Variants in DIS3L2 observed in about 807,000 individuals in gnomAD.
DIS3L2 encodes DIS3 like 3'-5' exoribonuclease 2, also known as DIS3-like exonuclease 2.
A neutral mutation model predicts 97.5 loss-of-function variants in DIS3L2; 34 were observed. That is an observed-to-expected ratio of 0.35 (90% CI 0.27 to 0.46). DIS3L2 has a LOEUF of 0.46. Ranked by LOEUF, DIS3L2 falls within the 20% of genes least tolerant of loss-of-function variation. DIS3L2 has a pLI of 1.00. For synonymous variants in DIS3L2, 435 were observed against 445.2 expected, an observed-to-expected ratio of 0.98 and a Z score of 0.29; for missense variants, 1,038 against 1,146.0, an observed-to-expected ratio of 0.91 and a Z score of 1.36.
intron 6 of DIS3L2, among the ~76,000 whole-genome samples, chr2:232,103,679 A>G (rs1697272391): frequency 6.6e-6 from 1 of 152,172 alleles, no homozygotes; most frequent in African/African-American, 2.4e-5. Flanking sequence ...CTTGGTAGGA[A>G]GAATTGGGGA....
chr2:232,015,780 A>G (rs760676495), intron 3 of DIS3L2, 109 bp downstream of exon 3: 223 of 1,311,312 alleles, frequency 1.7e-4, no homozygotes, highest in Non-Finnish European at 2.2e-4. Context: ...CGATGATGTA[A>G]CAGGTGCAGG....
At chr2:232,076,813 G>A (rs937963001) in intron 5 of DIS3L2, among the ~76,000 whole-genome samples, 2 of 151,796 alleles carry the variant, frequency 1.3e-5, no homozygotes, top group East Asian at 3.8e-4. Context: ...ATTTTCTCAC[G>A]TTTTCTAAAA....
intron 10 of DIS3L2, among the ~76,000 whole-genome samples, chr2:232,235,727 T>C (rs563064860): frequency 5.3e-5 from 8 of 152,374 alleles, no homozygotes; most frequent in Non-Finnish European, 8.8e-5. Flanking sequence ...CAATATATTA[T>C]AATGCTGACT....
At chr2:232,052,281 C>T (rs1316522655) in intron 5 of DIS3L2, among the ~76,000 whole-genome samples, 1 of 152,180 alleles carries the variant, frequency 6.6e-6, no homozygotes, top group Non-Finnish European at 1.5e-5. Context: ...GCCTCGGCTT[C>T]CCAAAATGTT....
intron 1 of DIS3L2, among the ~76,000 whole-genome samples, chr2:231,967,879 A>AT (rs918930718): frequency 2.0e-5 from 3 of 152,070 alleles, no homozygotes; most frequent in East Asian, 1.9e-4. Flanking sequence ...TTAAGACCAT[A>AT]TTTTTTTGAT....
At chr2:232,030,821 T>C (rs976083732) in intron 5 of DIS3L2, among the ~76,000 whole-genome samples, 1 of 152,196 alleles carries the variant, frequency 6.6e-6, no homozygotes, top group African/African-American at 2.4e-5. Flanking sequence ...TTTTATTTAT[T>C]TGAAGAATTT....
At chr2:232,195,045 A>G (rs946236625) in intron 9 of DIS3L2, among the ~76,000 whole-genome samples, 1 of 152,232 alleles carries the variant, frequency 6.6e-6, no homozygotes, top group Non-Finnish European at 1.5e-5. Flanking sequence ...AAAACAAAAA[A>G]CTATAGAACA....
intron 6 of DIS3L2, among the ~76,000 whole-genome samples, chr2:232,107,694 C>T (rs1163271630): frequency 1.3e-5 from 2 of 152,100 alleles, no homozygotes; most frequent in African/African-American, 2.4e-5. Flanking sequence ...CAGAGCGAGA[C>T]TCCATCTCAA....
downstream of DIS3L2, among the ~76,000 whole-genome samples, chr2:232,342,176 T>C (rs1361893954): frequency 6.6e-6 from 1 of 151,492 alleles, no homozygotes; most frequent in African/African-American, 2.4e-5. Flanking sequence ...CATACACATA[T>C]ATACACGTAT....
chr2:232,015,953 A>G (rs974334253), intron 3 of DIS3L2: 2 of 246,492 alleles, frequency 8.1e-6, no homozygotes, highest in Non-Finnish European at 1.6e-5. Context: ...GAGATGCTTT[A>G]TTGGAAGTGA....
At chr2:232,060,582 G>A (rs1695676419) in intron 5 of DIS3L2, among the ~76,000 whole-genome samples, 1 of 152,058 alleles carries the variant, frequency 6.6e-6, no homozygotes, top group African/African-American at 2.4e-5. Flanking sequence ...TTTGAAGTCT[G>A]GTAGAATGTG....
intron 5 of DIS3L2, among the ~76,000 whole-genome samples, chr2:232,083,133 A>T (rs1258547303): frequency 6.6e-6 from 1 of 151,390 alleles, no homozygotes; most frequent in Non-Finnish European, 1.5e-5. Context: ...TGTGGGAGCT[A>T]CAAGTCAAGA....
intron 8 of DIS3L2, among the ~76,000 whole-genome samples, chr2:232,148,500 AG>A (rs1325356288): frequency 6.6e-6 from 1 of 152,232 alleles, no homozygotes; most frequent in Non-Finnish European, 1.5e-5. Flanking sequence ...TATTTAAATA[AG>A]GAACTTGAGA....
At chr2:232,235,999 T>TA (rs1692922110) in intron 10 of DIS3L2, among the ~76,000 whole-genome samples, 1 of 152,196 alleles carries the variant, frequency 6.6e-6, no homozygotes. Flanking sequence ...ACAGATCTGT[T>TA]ATGTTACCCC....
In DIS3L2 at chr2:232,336,842, C is replaced by T; in HGVS notation, c.*212C>T. On this transcript the variant is annotated 3_prime_UTR_variant, in exon 21 of 21. Transcript: ENST00000325385. ...AAGGCTGAGGCCTGGTCAGCAGTGA[C>T]CCCAGCAGAGCAGGCCCCAGTCCTC... 17 of 1,395,588 alleles carry T rather than the reference C, an allele frequency of 1.2e-5. No homozygotes were observed. Among genetic ancestry groups the T allele is most frequent in the Non-Finnish European group, 1.6e-5 (17 of 1,077,958 alleles). The allele number at this position is 1,395,588 out of a possible 1,614,324, so 86.5% of individuals were successfully genotyped here. A position where few individuals can be genotyped will look rare whatever the true frequency, so the allele number is the denominator to read the frequency against.
At chr2:232,077,955 CTCTTTCTTTCTTTCTTTCTT>C (rs538146324) in intron 5 of DIS3L2, among the ~76,000 whole-genome samples, 1,226 of 108,794 alleles carry the variant, frequency 0.011, 18 homozygotes, top group African/African-American at 0.032. Flanking sequence ...TTCTTTCTTT[CTCTTTCTTTCTTTCTTTCTT>C]TCTTTCTTTC....
chr2:232,079,360 G>T (rs1381333930), intron 5 of DIS3L2, among the ~76,000 whole-genome samples: 1 of 152,088 alleles, frequency 6.6e-6, no homozygotes, highest in African/African-American at 2.4e-5. Flanking sequence ...ACTTTGGGAG[G>T]CTGAGGCGGG....
chr2:232,132,690 A>G (rs141012783), intron 7 of DIS3L2, among the ~76,000 whole-genome samples: 70 of 152,286 alleles, frequency 4.6e-4, no homozygotes, highest in African/African-American at 1.5e-3. Flanking sequence ...CAGCACCTGT[A>G]AAGAGCCCTA....
intron 14 of DIS3L2, among the ~76,000 whole-genome samples, chr2:232,303,184 G>A (rs895903310): frequency 6.6e-6 from 1 of 152,144 alleles, no homozygotes; most frequent in East Asian, 1.9e-4. Context: ...TGTGTACGAC[G>A]CTCTGTCAAA....
Sources: allele counts gnomAD v4.1 joint callset (sites outside exome capture counted in the v4.1 genomes callset), GRCh38; gene constraint gnomAD v4.1.1; transcripts MANE v1.5; gene names NCBI Gene and HGNC (gene_info 2026-07-23, HGNC 2026-07-21).